FOXP2: variants seen among roughly 807,000 people sequenced by gnomAD.
FOXP2 encodes forkhead box P2.
Under a neutral mutation model 115.8 loss-of-function variants are expected in FOXP2, and 12 were observed. The ratio of observed to expected loss-of-function variants is 0.10; its 90% CI spans 0.07 to 0.17. The LOEUF is 0.17. Ranked by LOEUF, FOXP2 falls within the 10% of genes least tolerant of loss-of-function variation. The probability of loss-of-function intolerance (pLI) is 1.00; values close to 1 mark genes in which losing one functional copy is unlikely to be tolerated. For synonymous variants in FOXP2, 328 were observed against 297.7 expected, an observed-to-expected ratio of 1.10 and a Z score of -1.05; for missense variants, 629 against 843.5, an observed-to-expected ratio of 0.75 and a Z score of 3.15.
At chr7:114,492,872 A>G (rs1175929903) in intron 2 of FOXP2, among the ~76,000 whole-genome samples, 4 of 152,062 alleles carry the variant, frequency 2.6e-5, no homozygotes, top group African/African-American at 7.2e-5. Context: ...GTGGTGCTGA[A>G]AAGAATGTAT....
At chr7:114,571,383 A>G (rs1801293382) in intron 3 of FOXP2, among the ~76,000 whole-genome samples, 1 of 151,924 alleles carries the variant, frequency 6.6e-6, no homozygotes, top group African/African-American at 2.4e-5. Context: ...CCCAATTCAC[A>G]TAGCAGTTAT....
chr7:114,516,134 G>A (rs1190249990), intron 2 of FOXP2, among the ~76,000 whole-genome samples: 1 of 152,110 alleles, frequency 6.6e-6, no homozygotes, highest in Non-Finnish European at 1.5e-5. Context: ...AAAGCTGAAG[G>A]CATCATGCTA....
At chr7:114,684,267 C>T (rs1348451607) in intron 16 of FOXP2, among the ~76,000 whole-genome samples, 1 of 152,124 alleles carries the variant, frequency 6.6e-6, no homozygotes, top group African/African-American at 2.4e-5. Flanking sequence ...CCCAAATGAA[C>T]CAGATGCATA....
At chr7:114,537,188 A>T (rs1243728162) in intron 3 of FOXP2, among the ~76,000 whole-genome samples, 1 of 151,630 alleles carries the variant, frequency 6.6e-6, no homozygotes, top group Non-Finnish European at 1.5e-5. Context: ...CTCAAAATTT[A>T]TATCTTTTTC....
intron 1 of FOXP2, among the ~76,000 whole-genome samples, chr7:114,180,401 C>T (rs572383876): frequency 2.0e-4 from 31 of 151,938 alleles, no homozygotes; most frequent in South Asian, 1.9e-3. Context: ...GTACATTATT[C>T]TAGATGAGCT....
At chr7:114,245,349 A>G (rs1037191707) in intron 1 of FOXP2, among the ~76,000 whole-genome samples, 2 of 152,224 alleles carry the variant, frequency 1.3e-5, no homozygotes, top group Non-Finnish European at 2.9e-5. Context: ...AGAAAAATAG[A>G]AGATGAATGC....
intron 2 of FOXP2, among the ~76,000 whole-genome samples, chr7:114,373,056 G>T (rs575147587): frequency 1.3e-5 from 2 of 151,646 alleles, no homozygotes; most frequent in Non-Finnish European, 2.9e-5. Flanking sequence ...GCAGTGCGGC[G>T]ATCTTGGCTC....
At chr7:114,502,782 G>A (rs918644812) in intron 2 of FOXP2, among the ~76,000 whole-genome samples, 2 of 152,016 alleles carry the variant, frequency 1.3e-5, no homozygotes, top group African/African-American at 4.8e-5. Flanking sequence ...ATTCATCAGG[G>A]ACGCTGAGCT....
intron 1 of FOXP2, among the ~76,000 whole-genome samples, chr7:114,225,007 A>G (rs1310538468): frequency 6.6e-6 from 1 of 152,190 alleles, no homozygotes; most frequent in Admixed American, 6.5e-5. Flanking sequence ...AATCTAAATT[A>G]CAGCTTGCTG....
At chr7:114,527,767 T>A (rs1467389086) in intron 2 of FOXP2, among the ~76,000 whole-genome samples, 2 of 152,142 alleles carry the variant, frequency 1.3e-5, no homozygotes, top group Non-Finnish European at 2.9e-5. Flanking sequence ...TGACTTACAA[T>A]TTTGGAGTCA....
intron 2 of FOXP2, among the ~76,000 whole-genome samples, chr7:114,385,464 G>A (rs868708680): frequency 6.6e-6 from 1 of 152,154 alleles, no homozygotes; most frequent in Non-Finnish European, 1.5e-5. Flanking sequence ...GATCTCAGCC[G>A]GCTACTGCCA....
chr7:114,642,411 T>A lies in FOXP2; in HGVS notation c.777T>A (p.Ala259=). ...AALPVQSLPQ[A]GLSPAEIQQL... Reference sequence around the variant, plus strand: ...GTGAAGCTTTCTTTCATTTTATAGCTGGCTTAAGTCCTGCTGAGATTCAGC... The same window carrying A: ...GTGAAGCTTTCTTTCATTTTATAGCAGGCTTAAGTCCTGCTGAGATTCAGC... Residue 259 remains alanine, a splice_region_variant and synonymous_variant, in exon 7 of 17, where the codon GCT becomes GCA. Transcript: ENST00000350908. 7 of 1,613,244 alleles carry A rather than the reference T, an allele frequency of 4.3e-6. No individual in the cohort carries two copies. Among genetic ancestry groups the A allele is most frequent in the Non-Finnish European group, 5.9e-6 (7 of 1,179,368 alleles).
upstream of FOXP2, among the ~76,000 whole-genome samples, chr7:114,159,123 G>C (rs1792756335): frequency 6.6e-6 from 1 of 151,996 alleles, no homozygotes; most frequent in African/African-American, 2.4e-5. Flanking sequence ...GGTATCTTGA[G>C]GAAACTGACA....
chr7:114,422,916 T>G (rs1013935571), intron 1 of FOXP2, among the ~76,000 whole-genome samples: 6 of 151,692 alleles, frequency 4.0e-5, no homozygotes, highest in African/African-American at 1.5e-4. Context: ...GAGGCCTAAT[T>G]GAGCTATGTC....
At position 114,526,338 on chromosome 7, in the gene FOXP2, G is replaced by A. The variant is rs561874468; in HGVS notation, c.169-8279G>A. ...CTAAAAATACAAAAATTAGCTGGGC[G>A]TGGAGGCACGCGCCTGTAATCCCAG... On this transcript the variant is annotated intron_variant, in intron 2 of 16. Transcript: ENST00000350908. 3.3e-5 allele frequency among the ~76,000 whole-genome samples: 5 copies of A among 151,398 alleles called. No homozygotes were observed. In the East Asian group the frequency reaches 7.8e-4, roughly 24 times the overall value.
intron 1 of FOXP2, among the ~76,000 whole-genome samples, chr7:114,259,319 G>T (rs1795691727): frequency 6.6e-6 from 1 of 152,168 alleles, no homozygotes; most frequent in Admixed American, 6.5e-5. Flanking sequence ...TGTTTACACT[G>T]AAATAGGCTG....
At chr7:114,465,162 G>A (rs1043364780) in intron 2 of FOXP2, among the ~76,000 whole-genome samples, 4 of 151,974 alleles carry the variant, frequency 2.6e-5, no homozygotes, top group South Asian at 2.1e-4. Flanking sequence ...ATGAGGTGTC[G>A]CCGTGTTGCC....
intron 2 of FOXP2, among the ~76,000 whole-genome samples, chr7:114,463,351 G>A (rs1463831273): frequency 6.6e-6 from 1 of 152,228 alleles, no homozygotes; most frequent in Non-Finnish European, 1.5e-5. Flanking sequence ...TGATATAAAT[G>A]TTCCATACTC....
At chr7:114,477,956 C>T (rs1796359910) in intron 2 of FOXP2, among the ~76,000 whole-genome samples, 1 of 151,720 alleles carries the variant, frequency 6.6e-6, no homozygotes, top group African/African-American at 2.4e-5. Flanking sequence ...CCCCAAAGTT[C>T]TACAAAAACT....
Sources: allele counts gnomAD v4.1 joint callset (sites outside exome capture counted in the v4.1 genomes callset), GRCh38; gene constraint gnomAD v4.1.1; transcripts MANE v1.5; gene names NCBI Gene and HGNC (gene_info 2026-07-23, HGNC 2026-07-21).